The following DOCK8 variants were observed in gnomAD, a reference collection of about 807,000 sequenced individuals.
DOCK8 encodes dedicator of cytokinesis protein 8.
In DOCK8, 141 loss-of-function variants were observed where a neutral mutation model predicts 245.6. That is an observed-to-expected ratio of 0.57 (90% confidence interval 0.50 to 0.66). The LOEUF (loss-of-function observed/expected upper bound fraction) is 0.66, where lower values mean the gene tolerates loss of function less well. Among genes scored for constraint, DOCK8 ranks in the 30% least tolerant of loss-of-function variants. The pLI, the probability that DOCK8 is intolerant of heterozygous loss-of-function variation, is 0.00. For missense variants in DOCK8, 2,965 were observed against 2,603.4 expected (o/e 1.14, Z -3.02); for synonymous variants, 1,168 against 970.2 (o/e 1.20, Z -3.79).
At position 464,360 on chromosome 9, in the gene DOCK8, C is replaced by A; in HGVS notation, c.*141C>A. The A allele has an allele frequency of 1.3e-6, 1 of 797,986 alleles. No homozygotes were observed. Among genetic ancestry groups the A allele is most frequent in the East Asian group, 2.5e-5 (1 of 40,014 alleles). 49.4% of individuals were successfully genotyped at this position (797,986 alleles called of 1,614,324 possible). A position where few individuals can be genotyped will look rare whatever the true frequency, so the allele number is the denominator to read the frequency against. On this transcript the variant is annotated 3_prime_UTR_variant, in exon 48 of 48. Coordinates refer to ENST00000432829, the MANE Select transcript of DOCK8 (RefSeq NM_203447.4). ...CCAGCACTCTGGAAGCTTTGGGATC[C>A]CAGGAACCATGGAATTATTCCCAAA...
intron 2 of DOCK8, among the ~76,000 whole-genome samples, chr9:274,671 A>T (rs34127158): frequency 0.37 from 55,637 of 151,604 alleles, 10,195 homozygotes; most frequent in South Asian, 0.45. Context: ...TTTAAAAAAA[A>T]ATTTCTTTTC....
Position 390,575 on chromosome 9 carries a change from C to T in DOCK8, c.2970+9C>T, listed in dbSNP as rs1355800716. On this transcript the variant is annotated intron_variant, in intron 24 of 47. Coordinates refer to ENST00000432829, the MANE Select transcript of DOCK8 (RefSeq NM_203447.4). ...TCTTCTTTGAGCTTCTGGTGAGATTCTTGCGCGTTTGTATCTGTGCTCAAT... is the reference window on the plus strand; with the variant it reads ...TCTTCTTTGAGCTTCTGGTGAGATTTTTGCGCGTTTGTATCTGTGCTCAAT... 1.9e-6 allele frequency: 3 copies of T among 1,613,190 alleles called. No homozygotes were observed. The highest frequency in any genetic ancestry group is 1.7e-4 in the Middle Eastern group (1 of 6,060).
intron 26 of DOCK8, 85 bp downstream of exon 26, chr9:399,344 T>C (rs1433978458): frequency 1.0e-6 from 1 of 959,310 alleles, no homozygotes; most frequent in Non-Finnish European, 1.6e-6. Context: ...TGGCACGCTG[T>C]CTTCTTCATT....
chr9:302,192 C>G (rs2049585342), intron 4 of DOCK8, among the ~76,000 whole-genome samples: 1 of 152,162 alleles, frequency 6.6e-6, no homozygotes, highest in Non-Finnish European at 1.5e-5. Context: ...AGAAATAAAG[C>G]TGCACGCCTA....
intron 6 of DOCK8, chr9:314,436 C>T (rs981569829): frequency 2.0e-5 from 3 of 152,126 alleles, no homozygotes; most frequent in Non-Finnish European, 2.9e-5. Flanking sequence ...GGAGAATGTT[C>T]CATCTGAACA....
chr9:299,872 A>G (rs141340882), intron 4 of DOCK8, among the ~76,000 whole-genome samples: 2,966 of 152,108 alleles, frequency 0.019, 90 homozygotes, highest in African/African-American at 0.068. Context: ...ATACAAAAAA[A>G]TTAGCTGGCT....
At position 452,026 on chromosome 9, in the gene DOCK8, G is replaced by A; in HGVS notation, c.5977G>A (p.Ala1993Thr). ...TTCCCACCAGGGACCACTGGAAGTA[G>A]CCCAAGTGTTTTTGGCTGAAATTCC... Reference protein sequence around the residue: ...ATVNQGPLEVAQVFLAEIPAD... With the variant: ...ATVNQGPLEVTQVFLAEIPAD... The change falls in exon 46 of 48, where the codon GCC (alanine) becomes ACC (threonine). Residue 1993 changes from alanine (A) to threonine (T), a missense_variant. Physicochemically the swap from Ala to Thr is moderately conservative, Grantham distance 58. This residue lies in a region of DOCK8 where 134 missense variants were observed against 128.1 expected (regional missense o/e 1.05). Coordinates refer to ENST00000432829, the MANE Select transcript of DOCK8 (RefSeq NM_203447.4). The A allele has an allele frequency of 6.4e-7, 1 of 1,558,658 alleles. No individual in the cohort carries two copies.
At chr9:430,442 G>T (rs2056667134) in intron 36 of DOCK8, among the ~76,000 whole-genome samples, 1 of 151,924 alleles carries the variant, frequency 6.6e-6, no homozygotes, top group Non-Finnish European at 1.5e-5. Flanking sequence ...AGCACTTCGG[G>T]AGGCCAAGGC....
chr9:403,946 G>A (rs1413572700), intron 26 of DOCK8, among the ~76,000 whole-genome samples: 93 of 76,226 alleles, frequency 1.2e-3, no homozygotes, highest in African/African-American at 6.7e-3. Flanking sequence ...ATATATATGT[G>A]TATATATATA....
chr9:398,339 C>T (rs78791423), intron 25 of DOCK8, among the ~76,000 whole-genome samples: 1 of 152,134 alleles, frequency 6.6e-6, no homozygotes, highest in African/African-American at 2.4e-5. Context: ...CCCATCCATC[C>T]CAGTGACTTG....
At chr9:430,582 T>A (rs1047309295) in intron 36 of DOCK8, among the ~76,000 whole-genome samples, 2 of 151,150 alleles carry the variant, frequency 1.3e-5, no homozygotes, top group Non-Finnish European at 2.9e-5. Flanking sequence ...CTGGGGAGGC[T>A]GAGGCACGAG....
chr9:396,442 C>T (rs1362054544), intron 24 of DOCK8, among the ~76,000 whole-genome samples: 1 of 152,182 alleles, frequency 6.6e-6, no homozygotes, highest in Non-Finnish European at 1.5e-5. Context: ...TGATAGAGGA[C>T]ACCTAGCTGG....
rs953222449 is a variant in DOCK8, at chr9:247,384, T to A, written c.54-24243T>A. On this transcript the variant is annotated intron_variant, in intron 1 of 47. Coordinates refer to ENST00000432829, the MANE Select transcript of DOCK8 (RefSeq NM_203447.4). ...TGGAATTTACTTGAATTTCCTAATC[T>A]TTTAACTGAGAGGGTATTTTCGACA... 3.9e-5 allele frequency among the ~76,000 whole-genome samples: 6 copies of A among 152,350 alleles called. No individual in the cohort carries two copies. In the South Asian group the frequency reaches 1.0e-3, roughly 26 times the overall value.
rs1293466591 is a variant in DOCK8 at position 450,084 on chromosome 9, A to C, written c.5961+157A>C. Among the ~76,000 whole-genome samples, 5 of 152,248 alleles carry C rather than the reference A, an allele frequency of 3.3e-5. No homozygotes were observed. The East Asian group carries it at 9.6e-4, about 29-fold the overall frequency. On this transcript the variant is annotated intron_variant, in intron 45 of 47. Coordinates refer to ENST00000432829, the MANE Select transcript of DOCK8 (RefSeq NM_203447.4). ...AACCTGAACACCTGTAAGGTTTAGA[A>C]GACTTTTAGGAAACCTCTTCCCTTT...
intron 24 of DOCK8, 105 bp downstream of exon 24, chr9:390,671 G>C (rs961391116): frequency 2.7e-6 from 3 of 1,102,984 alleles, no homozygotes; most frequent in African/African-American, 3.1e-5. Flanking sequence ...TGAAAACCTG[G>C]GGTGGTTTCT....
At chr9:225,761 G>C (rs1157603724) in intron 1 of DOCK8, among the ~76,000 whole-genome samples, 1 of 152,152 alleles carries the variant, frequency 6.6e-6, no homozygotes. Context: ...TACAGAGAAT[G>C]TAAACGGGCC....
At chr9:320,174 C>G (rs1490696149) in intron 7 of DOCK8, among the ~76,000 whole-genome samples, 1 of 133,382 alleles carries the variant, frequency 7.5e-6, no homozygotes, top group Non-Finnish European at 1.6e-5. Context: ...ACGGAAAAAG[C>G]CCAGGTTCTG....
chr9:324,867 G>C (rs1182573778), intron 7 of DOCK8, among the ~76,000 whole-genome samples: 2 of 152,024 alleles, frequency 1.3e-5, no homozygotes, highest in Non-Finnish European at 2.9e-5. Flanking sequence ...GTGGTTTTTG[G>C]TTACATGGAT....
chr9:277,856 C>G (rs1044501013), intron 2 of DOCK8, among the ~76,000 whole-genome samples: 4 of 152,110 alleles, frequency 2.6e-5, no homozygotes, highest in Non-Finnish European at 4.4e-5. Flanking sequence ...AGTCTCATAG[C>G]TTAGAAGGCA....
Sources: allele counts gnomAD v4.1 joint callset (sites outside exome capture counted in the v4.1 genomes callset), GRCh38; gene constraint gnomAD v4.1.1; regional missense constraint gnomAD v4.1.1; transcripts MANE v1.5; gene names NCBI Gene and HGNC (gene_info 2026-07-23, HGNC 2026-07-21).